Variants in MPP1 observed in about 807,000 individuals in gnomAD.
The protein encoded by MPP1 is 55 kDa erythrocyte membrane protein.
Under a neutral mutation model 38.2 loss-of-function variants are expected in MPP1, and 6 were observed. That is an observed-to-expected ratio of 0.16 (90% CI 0.09 to 0.31). The LOEUF is 0.31. Among genes scored for constraint, MPP1 ranks in the 10% least tolerant of loss-of-function variants. The probability of loss-of-function intolerance (pLI) is 1.00; values close to 1 mark genes in which losing one functional copy is unlikely to be tolerated. For missense variants in MPP1, 293 were observed against 368.9 expected (o/e 0.79, Z 1.69); for synonymous variants, 153 against 146.3 (o/e 1.05, Z -0.33).
In MPP1 at chrX:154,792,222, C is replaced by T. The variant is rs782785939; in HGVS notation, c.166G>A (p.Gly56Ser). The change falls in exon 2 of 12, where the codon GGT becomes AGT. Residue 56 changes from glycine to serine, a missense_variant. By Grantham distance (56) the Gly-to-Ser change is moderately conservative. Transcript: ENST00000369534. ...TGTCCCTTGACCTGGGCAGGGCTAC[C>T]TGGGGCAGGAGACCCGTTGGTGTAC... ...DMYTNGSPAP[G>S]SPAQVKGQEV... 8.3e-7 allele frequency: 1 copy of T among 1,211,879 alleles called. No homozygotes were observed. Among genetic ancestry groups the T allele is most frequent in the South Asian group, 1.8e-5 (1 of 57,003 alleles).
chrX:154,796,940 C>T (rs1355162210), intron 1 of MPP1, among the ~76,000 whole-genome samples: 3 of 111,380 alleles, frequency 2.7e-5, no homozygotes, highest in African/African-American at 9.8e-5. Flanking sequence ...CCTAGCTACT[C>T]GTGAGGCTGA....
At chrX:154,805,110 G>A (rs190601944) in intron 1 of MPP1, among the ~76,000 whole-genome samples, 162 bp downstream of exon 1, 3 of 113,096 alleles carry the variant, frequency 2.7e-5, no homozygotes, top group South Asian at 3.6e-4. Context: ...ACCCGGCCGC[G>A]CGCTGGCCTT....
Position 154,783,521 on chromosome X carries a change from G to A in MPP1, c.866-14C>T. On this transcript the variant is annotated splice_polypyrimidine_tract_variant and intron_variant, in intron 8 of 11. Transcript: ENST00000369534. ...CCCCACTGGCTCCTGTGTAGAGAGA[G>A]AAGAACATCTTTTGGAAAGGGGGGA... is the stretch of plus-strand genomic sequence containing the variant. 1 of 1,185,559 alleles carries A rather than the reference G, an allele frequency of 8.4e-7. No homozygotes were observed. The highest frequency in any genetic ancestry group is 1.1e-6 in the Non-Finnish European group (1 of 874,414).
chrX:154,799,744 C>T, intron 1 of MPP1: 10 of 1,160,687 alleles, frequency 8.6e-6, no homozygotes, highest in Non-Finnish European at 1.2e-5. Flanking sequence ...TAAACACTCA[C>T]CCAGGACTCC....
chrX:154,802,377 G>A (rs1156751361), intron 1 of MPP1, among the ~76,000 whole-genome samples: 1 of 111,816 alleles, frequency 8.9e-6, no homozygotes, highest in Non-Finnish European at 1.9e-5. Context: ...GGGGAGTAAT[G>A]CTGCATGTGA....
At chrX:154,798,756 C>T (rs782639905) in intron 1 of MPP1, among the ~76,000 whole-genome samples, 4 of 111,148 alleles carry the variant, frequency 3.6e-5, no homozygotes, top group Non-Finnish European at 7.5e-5. Flanking sequence ...TTTTTTGAGA[C>T]AGACTTTCAC....
chrX:154,802,099 G>A (rs1557268780), intron 1 of MPP1, among the ~76,000 whole-genome samples: 1 of 111,921 alleles, frequency 8.9e-6, no homozygotes, highest in Non-Finnish European at 1.9e-5. Context: ...TGCCGCACTC[G>A]GCATGCACCT....
At position 154,781,604 on chromosome X, in the gene MPP1, G is replaced by C. The variant is rs782479508; in HGVS notation, c.1145C>G (p.Pro382Arg). 8.3e-7 allele frequency: 1 copy of C among 1,208,109 alleles called. No homozygotes were observed. The highest frequency in any genetic ancestry group is 1.8e-5 in the South Asian group (1 of 56,757). Residue 382 changes from proline (P) to arginine (R), a missense_variant, in exon 10 of 12, where the codon CCC (proline) becomes CGC (arginine). Pro to Arg is a moderately radical substitution (Grantham distance 103). Coordinates refer to ENST00000369534, the MANE Select transcript of MPP1 (RefSeq NM_002436.4). ...QNKIAILDIE[P>R]QTLKIVRTAE... Reference sequence around the variant, plus strand: ...TGCCCTTCCATGCCTACCCACCTGGGGCTCAATGTCAAGGATGGCAATCTT... The same window carrying C: ...TGCCCTTCCATGCCTACCCACCTGGCGCTCAATGTCAAGGATGGCAATCTT...
chrX:154,786,662 G>A (rs1449635095), intron 5 of MPP1, among the ~76,000 whole-genome samples: 3 of 110,681 alleles, frequency 2.7e-5, no homozygotes, highest in African/African-American at 6.6e-5. Flanking sequence ...TTGGGAGGCC[G>A]AGGCGGGTGG....
intron 9 of MPP1, chrX:154,782,224 G>A (rs992458521): frequency 7.9e-6 from 1 of 126,480 alleles, no homozygotes; most frequent in African/African-American, 3.2e-5. Flanking sequence ...CTTTGGTTTA[G>A]TTTCAGCTCA....
chrX:154,786,153 A>C, intron 6 of MPP1, 51 bp downstream of exon 6: 1 of 1,079,873 alleles, frequency 9.3e-7, no homozygotes, highest in Non-Finnish European at 1.3e-6. Context: ...TCTGAAGCTA[A>C]GTTATTTGTG....
Position 154,781,676 on chromosome X carries a change from A to G in MPP1, c.1073T>C (p.Met358Thr). Residue 358 changes from methionine to threonine, a missense_variant, in exon 10 of 12, where the codon ATG becomes ACG. Met to Thr is a moderately conservative substitution (Grantham distance 81). Transcript: ENST00000369534. ...CACTGTTTCAAATTTGGTGCCAAAC[A>G]TGTTGCCTTGGTAGCTGCCAAACTC... is the stretch of plus-strand genomic sequence containing the variant. ...FLEFGSYQGN[M>T]FGTKFETVHQ... 8.3e-7 allele frequency: 1 copy of G among 1,211,649 alleles called. No individual in the cohort carries two copies. The highest frequency in any genetic ancestry group is 1.1e-6 in the Non-Finnish European group (1 of 895,480).
chrX:154,798,072 T>C (rs1378506341), intron 1 of MPP1, among the ~76,000 whole-genome samples: 2 of 112,309 alleles, frequency 1.8e-5, no homozygotes, highest in Admixed American at 9.4e-5. Context: ...AACAATGATA[T>C]ATCACTACAC....
At position 154,805,262 on chromosome X, in the gene MPP1, G is replaced by T; in HGVS notation, c.102+10C>A. 1 of 1,192,314 alleles carries T rather than the reference G, an allele frequency of 8.4e-7. No homozygotes were observed. The highest frequency in any genetic ancestry group is 3.0e-5 in the East Asian group (1 of 33,201). On this transcript the variant is annotated intron_variant, in intron 1 of 11. Coordinates refer to ENST00000369534, the MANE Select transcript of MPP1 (RefSeq NM_002436.4). ...GCCCAGCGCCCTTGGGACTAGCGGG[G>T]CCCGCTCACCTCTGGCCGACTACGC...
At chrX:154,781,092 T>C (rs2071987435) in intron 11 of MPP1, 147 bp downstream of exon 11, 3 of 521,081 alleles carry the variant, frequency 5.8e-6, no homozygotes, top group Admixed American at 3.2e-5. Context: ...CGAATGTGCA[T>C]ACCCTTTGGC....
At chrX:154,785,662 G>A (rs1264033802) in intron 6 of MPP1, among the ~76,000 whole-genome samples, 1 of 112,394 alleles carries the variant, frequency 8.9e-6, no homozygotes, top group East Asian at 2.8e-4. Flanking sequence ...GGGTAAGTTT[G>A]CACAGGCAGA....
At chrX:154,788,981 A>G (rs150910456) in intron 5 of MPP1, among the ~76,000 whole-genome samples, 5 of 111,956 alleles carry the variant, frequency 4.5e-5, no homozygotes, top group African/African-American at 1.3e-4. Flanking sequence ...AAAAGGGGGC[A>G]AAACTCATCC....
At chrX:154,779,701 G>A (rs1278471739) in intron 11 of MPP1, among the ~76,000 whole-genome samples, 2 of 112,172 alleles carry the variant, frequency 1.8e-5, no homozygotes, top group East Asian at 2.8e-4. Flanking sequence ...ATCCTAAAAC[G>A]AAGATAAAGG....
chrX:154,788,328 C>T (rs781865255), intron 5 of MPP1, among the ~76,000 whole-genome samples: 1 of 111,559 alleles, frequency 9.0e-6, no homozygotes, highest in Non-Finnish European at 1.9e-5. Flanking sequence ...GGAACTGCTA[C>T]AAATCAGTAA....
Sources: allele counts gnomAD v4.1 joint callset (sites outside exome capture counted in the v4.1 genomes callset), GRCh38; gene constraint gnomAD v4.1.1; transcripts MANE v1.5; gene names NCBI Gene and HGNC (gene_info 2026-07-23, HGNC 2026-07-21).